Variants in SOX5 observed in about 807,000 individuals in gnomAD.
SOX5 encodes SRY-box transcription factor 5, also known as transcription factor SOX-5.
SOX5 carries 9 observed loss-of-function variants against 92.0 expected under a neutral mutation model. The ratio of observed to expected loss-of-function variants is 0.10; its 90% CI spans 0.06 to 0.17. The LOEUF is 0.17. SOX5 is among the 10% of genes least tolerant of loss of function. SOX5 has a pLI of 1.00. For missense variants in SOX5, 642 were observed against 944.5 expected, an observed-to-expected ratio of 0.68 and a Z score of 4.20; for synonymous variants, 344 against 336.3, an observed-to-expected ratio of 1.02 and a Z score of -0.25.
At chr12:24,443,348 CA>C (rs1940952304) in intron 1 of SOX5, among the ~76,000 whole-genome samples, 1 of 152,292 alleles carries the variant, frequency 6.6e-6, no homozygotes, top group Non-Finnish European at 1.5e-5. Flanking sequence ...GAGATTACTG[CA>C]AATGCTTTCA....
chr12:23,755,358 ATAATT>A (rs952120795), intron 4 of SOX5, among the ~76,000 whole-genome samples: 2 of 151,766 alleles, frequency 1.3e-5, no homozygotes, highest in African/African-American at 2.4e-5. Context: ...ATTTTTGAAA[ATAATT>A]TAATTTAATT....
intron 3 of SOX5, among the ~76,000 whole-genome samples, chr12:24,271,704 T>C (rs1289897664): frequency 6.6e-6 from 1 of 152,210 alleles, no homozygotes; most frequent in Non-Finnish European, 1.5e-5. Flanking sequence ...AAATGAATTT[T>C]CTCAGTATCC....
intron 1 of SOX5, among the ~76,000 whole-genome samples, chr12:24,545,032 G>C (rs946470574): frequency 1.3e-5 from 2 of 152,058 alleles, no homozygotes; most frequent in African/African-American, 4.8e-5. Context: ...TTATATACAT[G>C]ATCAGAAAAA....
chr12:24,342,471 A>G (rs1203000842), intron 2 of SOX5, among the ~76,000 whole-genome samples: 2 of 152,190 alleles, frequency 1.3e-5, no homozygotes, highest in Non-Finnish European at 2.9e-5. Context: ...CATCCTGTCA[A>G]ATTTATCCTT....
intron 2 of SOX5, among the ~76,000 whole-genome samples, chr12:23,857,860 G>A (rs968802104): frequency 6.6e-6 from 1 of 151,914 alleles, no homozygotes; most frequent in African/African-American, 2.4e-5. Flanking sequence ...AGCCTCCTGA[G>A]TAGGTGGGAT....
intron 4 of SOX5, among the ~76,000 whole-genome samples, chr12:23,971,272 G>A (rs370503211): frequency 7.9e-5 from 12 of 151,234 alleles, no homozygotes; most frequent in African/African-American, 1.9e-4. Context: ...ACAGGTGCCC[G>A]CCACCATGCC....
intron 3 of SOX5, among the ~76,000 whole-genome samples, chr12:24,276,264 G>A (rs1944417938): frequency 6.6e-6 from 1 of 151,986 alleles, no homozygotes; most frequent in African/African-American, 2.4e-5. Context: ...TGAGTTATAA[G>A]TATTTTAATA....
intron 4 of SOX5, among the ~76,000 whole-genome samples, chr12:24,055,969 T>C (rs1958056860): frequency 6.6e-6 from 1 of 152,292 alleles, no homozygotes; most frequent in African/African-American, 2.4e-5. Flanking sequence ...CCCACAGCAC[T>C]GTGACTTGGG....
At chr12:24,499,157 C>T (rs546993169) in intron 1 of SOX5, among the ~76,000 whole-genome samples, 32 of 152,314 alleles carry the variant, frequency 2.1e-4, no homozygotes, top group African/African-American at 7.5e-4. Flanking sequence ...TATTTGCTTG[C>T]TCATCGTCTG....
intron 6 of SOX5, among the ~76,000 whole-genome samples, chr12:23,698,766 T>G (rs1003372449): frequency 7.9e-5 from 12 of 152,334 alleles, no homozygotes; most frequent in African/African-American, 2.9e-4. Flanking sequence ...TGGGGTTCAC[T>G]GAATTTATCT....
chr12:24,475,993 TA>T lies in SOX5; in HGVS notation c.-251+86335del, dbSNP rs71450741. ...CAAGACCCTGTCTCCGAAATACATT[TA>T]AAAAAAAAAAAAAAAAAAAAGCAGA... On this transcript the variant is annotated intron_variant, in intron 1 of 4. Coordinates refer to the SOX5 transcript ENST00000446891. 7.1e-3 allele frequency among the ~76,000 whole-genome samples: 613 copies of T among 86,142 alleles called. 1 individual carries two copies. The highest frequency in any genetic ancestry group is 0.01 in the African/African-American group (213 of 21,052). 56.5% of individuals were successfully genotyped at this position (86,142 alleles called of 152,430 possible).
At chr12:24,029,112 C>T (rs1013921695) in intron 4 of SOX5, among the ~76,000 whole-genome samples, 1 of 151,848 alleles carries the variant, frequency 6.6e-6, no homozygotes, top group African/African-American at 2.4e-5. Context: ...TAAATGTAGA[C>T]TTTTCCAATG....
At chr12:23,658,119 C>T (rs985495118) in intron 7 of SOX5, among the ~76,000 whole-genome samples, 4 of 151,938 alleles carry the variant, frequency 2.6e-5, no homozygotes, top group African/African-American at 4.8e-5. Flanking sequence ...TGATTAAAAT[C>T]AATTATGTGA....
intron 3 of SOX5, among the ~76,000 whole-genome samples, chr12:23,768,413 G>C (rs913977885): frequency 1.3e-5 from 2 of 152,036 alleles, no homozygotes; most frequent in Admixed American, 6.6e-5. Context: ...GCCCAACAGG[G>C]TCTCTTTTAC....
At chr12:24,166,713 C>G (rs567911989) in intron 4 of SOX5, among the ~76,000 whole-genome samples, 1 of 152,192 alleles carries the variant, frequency 6.6e-6, no homozygotes, top group Non-Finnish European at 1.5e-5. Context: ...TTAAGACTTA[C>G]GCATGCTATT....
rs79553468 is a variant in SOX5 at position 23,869,631 on chromosome 12, A to C, written c.271-23438T>G. Among the ~76,000 whole-genome samples, 98 of 152,250 alleles carry C rather than the reference A, an allele frequency of 6.4e-4. 1 individual carries two copies. In the East Asian group the frequency reaches 0.017, roughly 27 times the overall value. On this transcript the variant is annotated intron_variant, in intron 2 of 14. Coordinates refer to ENST00000451604, the MANE Select transcript of SOX5 (RefSeq NM_006940.6). ...TCAAAGCACCAGTCTACAAGATAAGAAGCAGCCCCAGAATGTAAATCAGTT... is the reference window on the plus strand; with the variant it reads ...TCAAAGCACCAGTCTACAAGATAAGCAGCAGCCCCAGAATGTAAATCAGTT...
chr12:24,164,460 A>G (rs1953149646), intron 4 of SOX5, among the ~76,000 whole-genome samples: 1 of 152,090 alleles, frequency 6.6e-6, no homozygotes, highest in Admixed American at 6.6e-5. Flanking sequence ...TTATTTACCA[A>G]GGAGAAAAAT....
intron 3 of SOX5, among the ~76,000 whole-genome samples, chr12:23,840,686 C>T (rs76843583): frequency 7.2e-4 from 109 of 152,218 alleles, no homozygotes; most frequent in Non-Finnish European, 1.4e-3. Flanking sequence ...CACACAAATA[C>T]GTTCAATTGA....
chr12:23,965,565 C>T (rs1322152499), intron 4 of SOX5, among the ~76,000 whole-genome samples: 1 of 152,184 alleles, frequency 6.6e-6, no homozygotes, highest in Non-Finnish European at 1.5e-5. Context: ...ACAACCACTC[C>T]ACAAACGTTC....
Sources: gnomAD v4.1 joint callset for allele counts (sites outside exome capture counted in the v4.1 genomes callset) on GRCh38, gnomAD v4.1.1 for gene constraint, MANE v1.5 for transcripts, NCBI Gene and HGNC (gene_info 2026-07-23, HGNC 2026-07-21) for gene names.